Variants in LRBA observed in about 807,000 individuals in gnomAD.
LRBA encodes the protein LPS responsive beige-like anchor protein, also known as lipopolysaccharide-responsive and beige-like anchor protein.
LRBA carries 176 observed loss-of-function variants against 330.0 expected under a neutral mutation model. The observed-to-expected ratio is 0.53, with a 90% CI of 0.47 to 0.60. LRBA has a LOEUF of 0.60. Among genes scored for constraint, LRBA ranks in the 20% least tolerant of loss-of-function variants. The pLI, the probability that LRBA is intolerant of heterozygous loss-of-function variation, is 0.00. For missense variants in LRBA, 3,259 were observed against 3,444.8 expected (o/e 0.95, Z 1.35); for synonymous variants, 1,230 against 1,193.0 (o/e 1.03, Z -0.64).
chr4:150,599,201 T>C, intron 37 of LRBA, 70 bp from the exon 38 acceptor site: 2 of 1,549,432 alleles, frequency 1.3e-6, no homozygotes, highest in South Asian at 2.3e-5. Flanking sequence ...AATTTCTGCA[T>C]AAAGCTCTCC....
chr4:150,405,853 A>G (rs111964530), intron 47 of LRBA, among the ~76,000 whole-genome samples: 5,606 of 151,984 alleles, frequency 0.037, 207 homozygotes, highest in African/African-American at 0.082. Context: ...TCAGGAGTTC[A>G]AGACCAGCTT....
chr4:150,825,371 T>C (rs970710334), intron 30 of LRBA, among the ~76,000 whole-genome samples: 1 of 152,078 alleles, frequency 6.6e-6, no homozygotes, highest in Non-Finnish European at 1.5e-5. Flanking sequence ...CATCTCTTTT[T>C]ATGGGGCAGG....
At position 150,697,325 on chromosome 4, in the gene LRBA, G is replaced by GAAAGAAAAAAAAAAAAAAAAAAAAA. The variant is rs373474421; in HGVS notation, c.5755-13609_5755-13608insTTTTTTTTTTTTTTTTTTTTTCTTT. ...GGTGACAGAGTGAGACTTTGTCTCA[G>GAAAGAAAAAAAAAAAAAAAAAAAAA]AAAAAAAAAAAAAAAAAAAAAAAAA... is the stretch of plus-strand genomic sequence containing the variant. On this transcript the variant is annotated intron_variant, in intron 36 of 56. Coordinates refer to ENST00000651943, the MANE Select transcript of LRBA (RefSeq NM_001364905.1). 7.1e-5 allele frequency among the ~76,000 whole-genome samples: 2 copies of GAAAGAAAAAAAAAAAAAAAAAAAAA among 28,034 alleles called. 1 individual carries two copies. Among genetic ancestry groups the GAAAGAAAAAAAAAAAAAAAAAAAAA allele is most frequent in the African/African-American group, 2.6e-4 (2 of 7,584 alleles). 18.4% of individuals were successfully genotyped at this position (28,034 alleles called of 152,430 possible).
chr4:150,872,619 A>G lies in LRBA; in HGVS notation c.2258+44T>C, dbSNP rs772055999. The G allele has an allele frequency of 5.7e-6, 7 of 1,237,774 alleles. No individual in the cohort carries two copies. The South Asian group carries it at 7.7e-5, about 14-fold the overall frequency. 76.7% of individuals were successfully genotyped at this position (1,237,774 alleles called of 1,614,324 possible). A position where few individuals can be genotyped will look rare whatever the true frequency, so the allele number is the denominator to read the frequency against. ...ACTACTGCAAAGATTTATAAAATAAATAAGTAGAATACAACAGTCCATCTT... is the reference window on the plus strand; with the variant it reads ...ACTACTGCAAAGATTTATAAAATAAGTAAGTAGAATACAACAGTCCATCTT... On this transcript the variant is annotated intron_variant, in intron 18 of 56. Transcript: ENST00000651943.
chr4:150,852,344 T>C lies in LRBA; in HGVS notation c.3366A>G (p.Glu1122=), dbSNP rs1375630749. Residue 1122 remains glutamate, a synonymous_variant, in exon 23 of 57, where the codon GAA becomes GAG. Coordinates refer to ENST00000651943, the MANE Select transcript of LRBA (RefSeq NM_001364905.1). ...CTTGGAGCTCTGTGGGTAGATTAGC[T>C]TCCTCAGTAGGACTGCCTTCTACTT... The part of the protein sequence containing the change: ...ELKVEGSPTE[E]ANLPTELQDN... The C allele has an allele frequency of 6.2e-6, 10 of 1,613,936 alleles. No homozygotes were observed. In the East Asian group the frequency reaches 1.6e-4, roughly 25 times the overall value.
chr4:150,480,899 C>T (rs1470147991), intron 42 of LRBA, among the ~76,000 whole-genome samples: 1 of 152,116 alleles, frequency 6.6e-6, no homozygotes, highest in Non-Finnish European at 1.5e-5. Context: ...CTCTAGTCAT[C>T]CTACAGTGTT....
chr4:150,705,965 A>T (rs956624493), intron 36 of LRBA, among the ~76,000 whole-genome samples: 1 of 151,996 alleles, frequency 6.6e-6, no homozygotes, highest in Non-Finnish European at 1.5e-5. Context: ...AATTACAAGA[A>T]TTAAAGTTGG....
intron 40 of LRBA, among the ~76,000 whole-genome samples, chr4:150,514,287 GT>G (rs944316017): frequency 6.6e-6 from 1 of 152,138 alleles, no homozygotes; most frequent in African/African-American, 2.4e-5. Context: ...GGCCAGGCTG[GT>G]CATGAACTCC....
rs1234617631 is a variant in LRBA, at chr4:150,599,236, T to C, written c.5922-105A>G. On this transcript the variant is annotated intron_variant, in intron 37 of 56. Transcript: ENST00000651943. ...CTTGTTTGCTCTGCCTTTTTTTCCC[T>C]CTCCTTCCACTTAATTCTCCCTCCA... 3.5e-5 allele frequency: 44 copies of C among 1,241,574 alleles called. No homozygotes were observed. In the East Asian group the frequency reaches 1.0e-3, roughly 29 times the overall value. 76.9% of individuals were successfully genotyped at this position (1,241,574 alleles called of 1,614,324 possible). A position where few individuals can be genotyped will look rare whatever the true frequency, so the allele number is the denominator to read the frequency against.
chr4:151,008,019 A>G lies in LRBA; in HGVS notation c.216+6408T>C, dbSNP rs1744313834. 2.0e-5 allele frequency among the ~76,000 whole-genome samples: 3 copies of G among 152,176 alleles called. No homozygotes were observed. The South Asian group carries it at 6.2e-4, about 31-fold the overall frequency. ...AAAATTAGATTGTGGTAATAGGTGCAAAACTCTTTAAATTTACTAAAAATC... is the reference window on the plus strand; with the variant it reads ...AAAATTAGATTGTGGTAATAGGTGCGAAACTCTTTAAATTTACTAAAAATC... On this transcript the variant is annotated intron_variant, in intron 2 of 56. Coordinates refer to ENST00000651943, the MANE Select transcript of LRBA (RefSeq NM_001364905.1).
At position 150,867,797 on chromosome 4, in the gene LRBA, A is replaced by G; in HGVS notation, c.2640T>C (p.Asn880=). ...MLSLCYFNPK[N]SDEQKITEMV... The stretch of plus-strand genomic sequence containing the variant: ...TTTCTGTTATCTTTTGCTCATCTGA[A>G]TTCTTAGGATTAAAATAGCAGAGAG... Residue 880 remains asparagine (N), a synonymous_variant, in exon 22 of 57, where the codon AAT becomes AAC. Transcript: ENST00000651943. 6.2e-7 allele frequency: 1 copy of G among 1,613,800 alleles called. No homozygotes were observed.
At chr4:151,006,018 T>G (rs1044989863) in intron 2 of LRBA, among the ~76,000 whole-genome samples, 8 of 152,262 alleles carry the variant, frequency 5.3e-5, no homozygotes, top group African/African-American at 1.9e-4. Context: ...GAAATATGCA[T>G]CAAGGTTTTA....
intron 36 of LRBA, among the ~76,000 whole-genome samples, chr4:150,685,410 ATATATATATATTTTTTTTTTT>A (rs1241460789): frequency 5.9e-5 from 1 of 17,020 alleles, no homozygotes; most frequent in African/African-American, 2.0e-4. Context: ...ATATATATAT[ATATATATATATTTTTTTTTTT>A]TTTTTTTTTT....
intron 2 of LRBA, among the ~76,000 whole-genome samples, chr4:150,963,681 G>A (rs915677778): frequency 6.9e-6 from 1 of 144,396 alleles, no homozygotes; most frequent in Non-Finnish European, 1.5e-5. Flanking sequence ...CTGCCTGGCC[G>A]CCCAGTCCGG....
intron 19 of LRBA, 145 bp downstream of exon 19, chr4:150,871,200 A>ACG: frequency 2.1e-6 from 1 of 472,886 alleles, no homozygotes; most frequent in Non-Finnish European, 4.0e-6. Context: ...CCAAGACTGT[A>ACG]CCACTGCACT....
rs538133530 is a variant in LRBA at position 150,862,651 on chromosome 4, A to G, written c.2766+5020T>C. Among the ~76,000 whole-genome samples the G allele has an allele frequency of 4.7e-5, 7 of 149,424 alleles. No individual in the cohort carries two copies. The East Asian group carries it at 1.2e-3, about 25-fold the overall frequency. On this transcript the variant is annotated intron_variant, in intron 22 of 56. Transcript: ENST00000651943. ...TGTAACAAACCTGCACGTTGTGTAC[A>G]TGTACCCTAGAACTTAAAGTATAAT...
intron 28 of LRBA, chr4:150,840,848 A>G (rs1578960497): frequency 1.5e-5 from 13 of 884,298 alleles, no homozygotes; most frequent in Non-Finnish European, 1.9e-5. Flanking sequence ...AAAATGAGGC[A>G]TGCCTGTAAA....
intron 9 of LRBA, among the ~76,000 whole-genome samples, chr4:150,913,447 A>G (rs2149485415): frequency 6.6e-6 from 1 of 152,332 alleles, no homozygotes; most frequent in East Asian, 1.9e-4. Context: ...AGCCTGGGCA[A>G]CAAGAGCAAA....
At chr4:150,415,627 T>C in intron 46 of LRBA, 37 bp from the exon 47 acceptor site, 1 of 1,203,378 alleles carries the variant, frequency 8.3e-7, no homozygotes, top group Non-Finnish European at 1.2e-6. Context: ...TATTATAAAC[T>C]GTAGGATACT....
Sources: allele counts gnomAD v4.1 joint callset (sites outside exome capture counted in the v4.1 genomes callset), GRCh38; gene constraint gnomAD v4.1.1; transcripts MANE v1.5; gene names NCBI Gene and HGNC (gene_info 2026-07-23, HGNC 2026-07-21).